Variants in GRM7 observed in about 807,000 individuals in gnomAD.
The protein encoded by GRM7 is glutamate metabotropic receptor 7, also known as metabotropic glutamate receptor 7.
GRM7 carries 35 observed loss-of-function variants against 84.5 expected under a neutral mutation model. The observed-to-expected ratio is 0.41, with a 90% CI of 0.32 to 0.55. The LOEUF (loss-of-function observed/expected upper bound fraction) is 0.55. Among genes scored for constraint, GRM7 ranks in the 20% least tolerant of loss-of-function variants. GRM7 has a pLI of 0.19. For synonymous variants in GRM7, 487 were observed against 455.1 expected (o/e 1.07, Z -0.89); for missense variants, 1,003 against 1,194.6 (o/e 0.84, Z 2.36).
At chr3:7,456,301 T>C (rs1346974049) in intron 6 of GRM7, among the ~76,000 whole-genome samples, 1 of 152,156 alleles carries the variant, frequency 6.6e-6, no homozygotes, top group Non-Finnish European at 1.5e-5. Context: ...TAGATGGTCT[T>C]GTCTGTTGAC....
At chr3:7,414,070 G>C (rs913907632) in intron 4 of GRM7, among the ~76,000 whole-genome samples, 3 of 152,112 alleles carry the variant, frequency 2.0e-5, no homozygotes, top group Admixed American at 6.6e-5. Flanking sequence ...TCCTTTGGTT[G>C]ATGTGACATT....
intron 2 of GRM7, among the ~76,000 whole-genome samples, chr3:7,292,732 A>G (rs939311714): frequency 9.9e-5 from 15 of 151,608 alleles, no homozygotes; most frequent in South Asian, 6.3e-4. Context: ...TTTTTAAAAA[A>G]AAAAACAAAC....
At chr3:7,453,024 T>C (rs993242632) in intron 6 of GRM7, among the ~76,000 whole-genome samples, 1 of 133,464 alleles carries the variant, frequency 7.5e-6, no homozygotes, top group South Asian at 2.8e-4. Flanking sequence ...TTTCTTGAAA[T>C]AGAGATTTTT....
At chr3:7,474,943 GTGGTGAC>G (rs1480183171) in intron 7 of GRM7, among the ~76,000 whole-genome samples, 1 of 152,190 alleles carries the variant, frequency 6.6e-6, no homozygotes, top group Non-Finnish European at 1.5e-5. Context: ...TAAATACAAA[GTGGTGAC>G]TGGTCTTGTA....
At chr3:7,352,239 A>G (rs905999026) in intron 4 of GRM7, among the ~76,000 whole-genome samples, 4 of 152,034 alleles carry the variant, frequency 2.6e-5, no homozygotes, top group Non-Finnish European at 4.4e-5. Flanking sequence ...TCATGTTATG[A>G]ACTCTTTATA....
At chr3:7,219,019 G>A (rs1358850961) in intron 2 of GRM7, among the ~76,000 whole-genome samples, 1 of 152,010 alleles carries the variant, frequency 6.6e-6, no homozygotes, top group Non-Finnish European at 1.5e-5. Flanking sequence ...ATTGTATGGT[G>A]TTTTGCCACT....
At chr3:7,532,255 C>G (rs1701066626) in intron 7 of GRM7, among the ~76,000 whole-genome samples, 1 of 151,930 alleles carries the variant, frequency 6.6e-6, no homozygotes, top group Admixed American at 6.6e-5. Flanking sequence ...TTTGGTCGGG[C>G]TTTTTTTGTT....
At chr3:7,521,745 G>C (rs1384822158) in intron 7 of GRM7, among the ~76,000 whole-genome samples, 1 of 152,124 alleles carries the variant, frequency 6.6e-6, no homozygotes, top group African/African-American at 2.4e-5. Context: ...TCTCAGGTCT[G>C]CCTCTCAGAT....
intron 4 of GRM7, among the ~76,000 whole-genome samples, chr3:7,365,726 T>G (rs1410537201): frequency 1.3e-5 from 2 of 149,226 alleles, no homozygotes; most frequent in Non-Finnish European, 3.0e-5. Flanking sequence ...TAATTTATAC[T>G]TTATCTCTTT....
At position 7,284,431 on chromosome 3, in the gene GRM7, T is replaced by C. The variant is rs553537563; in HGVS notation, c.737-14253T>C. On this transcript the variant is annotated intron_variant, in intron 2 of 9. Coordinates refer to ENST00000357716, the MANE Select transcript of GRM7 (RefSeq NM_000844.4). ...ATCACATAATGAATAGGATGAAATATGTCATCTGCTATGAATGGAGAGATC... is the reference window on the plus strand; with the variant it reads ...ATCACATAATGAATAGGATGAAATACGTCATCTGCTATGAATGGAGAGATC... Among the ~76,000 whole-genome samples, 169 of 152,264 alleles carry C rather than the reference T, an allele frequency of 1.1e-3. 1 individual carries two copies. The highest frequency in any genetic ancestry group is 3.8e-3 in the African/African-American group (157 of 41,548).
rs114304154 is a variant in GRM7 at position 7,612,645 on chromosome 3, G to A, written c.2451+33288G>A. Among the ~76,000 whole-genome samples the A allele has an allele frequency of 2.9e-3, 449 of 152,280 alleles. 2 individuals are homozygous for A. Among genetic ancestry groups the A allele is most frequent in the African/African-American group, 0.01 (429 of 41,564 alleles). ...ATGAAGTTGAGGTTCAGACTTCTCCGCGTGGCATCAGAGGGAAGAATTAGC... is the reference window on the plus strand; with the variant it reads ...ATGAAGTTGAGGTTCAGACTTCTCCACGTGGCATCAGAGGGAAGAATTAGC... On this transcript the variant is annotated intron_variant, in intron 8 of 9. Coordinates refer to ENST00000357716, the MANE Select transcript of GRM7 (RefSeq NM_000844.4).
intron 4 of GRM7, among the ~76,000 whole-genome samples, chr3:7,385,592 A>C (rs1323560270): frequency 6.6e-6 from 1 of 152,108 alleles, no homozygotes; most frequent in African/African-American, 2.4e-5. Context: ...GAGCCACTGC[A>C]CCCGGCCCCT....
chr3:6,997,054 A>G (rs796918993), intron 1 of GRM7, among the ~76,000 whole-genome samples: 1 of 152,156 alleles, frequency 6.6e-6, no homozygotes, highest in South Asian at 2.1e-4. Context: ...TAATCTTAGA[A>G]TCCTGTATTT....
intron 1 of GRM7, among the ~76,000 whole-genome samples, chr3:7,125,495 C>T (rs923012737): frequency 3.9e-5 from 6 of 152,170 alleles, no homozygotes; most frequent in African/African-American, 1.4e-4. Flanking sequence ...AATCCCTTTG[C>T]ATAACAAATT....
At chr3:7,324,982 C>T (rs1449106655) in intron 4 of GRM7, among the ~76,000 whole-genome samples, 2 of 152,186 alleles carry the variant, frequency 1.3e-5, no homozygotes, top group Non-Finnish European at 2.9e-5. Context: ...CCTCACTTAG[C>T]AGGCTAGCAC....
intron 2 of GRM7, among the ~76,000 whole-genome samples, chr3:7,207,194 G>A (rs1287730380): frequency 1.3e-5 from 2 of 152,160 alleles, no homozygotes; most frequent in African/African-American, 2.4e-5. Flanking sequence ...TCCGCCATTA[G>A]AGACATGGGG....
At chr3:7,556,134 G>C (rs1486438534) in intron 7 of GRM7, among the ~76,000 whole-genome samples, 1 of 152,088 alleles carries the variant, frequency 6.6e-6, no homozygotes, top group Non-Finnish European at 1.5e-5. Context: ...TGGCTTCCTA[G>C]TTCATACATG....
chr3:6,994,584 A>AT (rs1488719973), intron 1 of GRM7, among the ~76,000 whole-genome samples: 1 of 152,200 alleles, frequency 6.6e-6, no homozygotes, highest in South Asian at 2.1e-4. Context: ...TTGTTGTTGA[A>AT]TTTTTTTTAA....
At chr3:7,433,376 G>A (rs965303358) in intron 5 of GRM7, among the ~76,000 whole-genome samples, 13 of 152,142 alleles carry the variant, frequency 8.5e-5, no homozygotes, top group Non-Finnish European at 1.9e-4. Context: ...ACTATATATT[G>A]GTTCCTGTTA....
Sources: gnomAD v4.1 joint callset for allele counts (sites outside exome capture counted in the v4.1 genomes callset) on GRCh38, gnomAD v4.1.1 for gene constraint, MANE v1.5 for transcripts, NCBI Gene and HGNC (gene_info 2026-07-23, HGNC 2026-07-21) for gene names.